CHLSN: variants seen among roughly 807,000 people sequenced by gnomAD.
CHLSN encodes protein cholesin.
At chr7:1,102,755 C>T in the CHLSN span, among the ~76,000 whole-genome samples, 2 of 152,322 alleles carry the variant, frequency 1.3e-5, no homozygotes, top group South Asian at 2.1e-4. Context: ...CCGCCTCACC[C>T]TTGGGAAGTG....
At chr7:997,553 C>T in the CHLSN span, 8 of 1,323,990 alleles carry the variant, frequency 6.0e-6, no homozygotes, top group Admixed American at 7.4e-5. Context: ...CCCCCACCGC[C>T]GGAGGAGCTG....
chr7:1,092,032 G>A, the CHLSN span: 1 of 1,614,030 alleles, frequency 6.2e-7, no homozygotes, highest in Non-Finnish European at 8.5e-7. Flanking sequence ...CATCAACCTG[G>A]CGGTGGCGGA....
At chr7:1,054,618 G>A in the CHLSN span, among the ~76,000 whole-genome samples, 1 of 152,206 alleles carries the variant, frequency 6.6e-6, no homozygotes, top group African/African-American at 2.4e-5. Context: ...CTCTGACTTG[G>A]CCTCACGGCG....
the CHLSN span, among the ~76,000 whole-genome samples, chr7:1,050,582 C>T: frequency 6.6e-6 from 1 of 152,248 alleles, no homozygotes; most frequent in African/African-American, 2.4e-5. Flanking sequence ...CACCCTGGTG[C>T]AGGCGGACGG....
the CHLSN span, among the ~76,000 whole-genome samples, chr7:992,605 G>T: frequency 2.0e-5 from 3 of 152,268 alleles, no homozygotes; most frequent in Non-Finnish European, 4.4e-5. Context: ...ATGTCCTGAA[G>T]CTCCTCCCTC....
At chr7:1,023,665 ACACACACACACAC>A in the CHLSN span, among the ~76,000 whole-genome samples, 1 of 104,002 alleles carries the variant, frequency 9.6e-6, no homozygotes, top group Admixed American at 9.7e-5. The surrounding 1 kb of genome is among the most constrained non-coding windows in gnomAD (Gnocchi z 5.0). Context: ...ACACACACAC[ACACACACACACAC>A]CAGCAACGCG....
chr7:1,015,222 G>A, the CHLSN span, among the ~76,000 whole-genome samples: 1 of 152,172 alleles, frequency 6.6e-6, no homozygotes, highest in Non-Finnish European at 1.5e-5. Flanking sequence ...GGTGAGGAAA[G>A]AGAGGTGGGG....
At chr7:1,020,487 C>T in the CHLSN span, among the ~76,000 whole-genome samples, 1 of 152,234 alleles carries the variant, frequency 6.6e-6, no homozygotes, top group African/African-American at 2.4e-5. Context: ...GCGCCCCCAC[C>T]TGGAGCCCCC....
the CHLSN span, among the ~76,000 whole-genome samples, chr7:1,082,483 C>T: frequency 4.6e-5 from 7 of 152,348 alleles, no homozygotes; most frequent in African/African-American, 1.7e-4. Flanking sequence ...CACTTAAAGA[C>T]AAAGTGAATG....
chr7:1,110,122 C>A, the CHLSN span, among the ~76,000 whole-genome samples: 2 of 152,170 alleles, frequency 1.3e-5, no homozygotes, highest in African/African-American at 4.8e-5. Context: ...AGACAGAGGA[C>A]CTCGCGCCGG....
chr7:1,001,494 CGGGTGAGTGGAGTCCTGT>C, the CHLSN span, among the ~76,000 whole-genome samples: 1 of 56,140 alleles, frequency 1.8e-5, no homozygotes, highest in Admixed American at 2.3e-4. Context: ...TGGAGTCCTG[CGGGTGAGTGGAGTCCTGT>C]GGGTGAGTGG....
chr7:1,001,121 G>C, the CHLSN span, among the ~76,000 whole-genome samples: 6 of 152,202 alleles, frequency 3.9e-5, no homozygotes, highest in Admixed American at 3.3e-4. Context: ...GAGCGAAGCT[G>C]GCGCTGTGGG....
the CHLSN span, among the ~76,000 whole-genome samples, chr7:1,102,204 T>C: frequency 6.6e-6 from 1 of 152,158 alleles, no homozygotes; most frequent in African/African-American, 2.4e-5. Flanking sequence ...CCGTCCAAAG[T>C]CCACCCACGA....
the CHLSN span, among the ~76,000 whole-genome samples, chr7:1,097,494 TA>T: frequency 1.7e-4 from 26 of 151,342 alleles, no homozygotes; most frequent in African/African-American, 6.1e-4. This position sits in a 1 kb window ranked among gnomAD's most constrained non-coding sequence, Gnocchi z 4.3. Context: ...ATAATTTAAA[TA>T]AAATGAAAGA....
At chr7:1,090,153 T>C in the CHLSN span, among the ~76,000 whole-genome samples, 8 of 152,060 alleles carry the variant, frequency 5.3e-5, no homozygotes, top group South Asian at 1.7e-3. Flanking sequence ...CTCAAACCCA[T>C]TTTGAAGTGT....
the CHLSN span, among the ~76,000 whole-genome samples, chr7:1,046,336 C>T: frequency 4.6e-5 from 7 of 152,172 alleles, no homozygotes; most frequent in African/African-American, 1.7e-4. Context: ...AGAACCCGGC[C>T]GACCGTGTCA....
At chr7:1,085,834 A>G in the CHLSN span, among the ~76,000 whole-genome samples, 4 of 143,056 alleles carry the variant, frequency 2.8e-5, no homozygotes, top group African/African-American at 7.4e-5. Context: ...TCCTGTCTCA[A>G]AAAAAAAAAA....
chr7:989,069 G>A, the CHLSN span: 12 of 451,250 alleles, frequency 2.7e-5, no homozygotes, highest in Non-Finnish European at 4.7e-5. Flanking sequence ...CCCCAGGAGC[G>A]CCTCCAGGGC....
At chr7:1,094,127 C>G in the CHLSN span, among the ~76,000 whole-genome samples, 4 of 152,220 alleles carry the variant, frequency 2.6e-5, no homozygotes, top group Non-Finnish European at 5.9e-5. Context: ...GGCTCTCGGC[C>G]GCGTGCGAGG....
Sources: allele counts gnomAD v4.1 joint callset (sites outside exome capture counted in the v4.1 genomes callset), GRCh38; gene constraint gnomAD v4.1.1; non-coding constraint Gnocchi (gnomAD v3.1); transcripts MANE v1.5; gene names NCBI Gene and HGNC (gene_info 2026-07-23, HGNC 2026-07-21).